The following SIAH1 variants were observed in gnomAD, a reference collection of about 807,000 sequenced individuals.
SIAH1 encodes the protein siah E3 ubiquitin protein ligase 1.
In SIAH1, 2 loss-of-function variants were observed where a neutral mutation model predicts 20.0. The observed-to-expected ratio is 0.10, with a 90% CI of 0.04 to 0.31. SIAH1 has a LOEUF of 0.31. Ranked by LOEUF, SIAH1 falls within the 10% of genes least tolerant of loss-of-function variation. SIAH1 has a pLI of 1.00. For missense variants in SIAH1, 119 were observed against 355.3 expected (o/e 0.33, Z 5.35); for synonymous variants, 118 against 125.3 (o/e 0.94, Z 0.39).
intron 1 of SIAH1, among the ~76,000 whole-genome samples, chr16:48,373,398 AAT>A (rs140245709): frequency 6.6e-6 from 1 of 152,292 alleles, no homozygotes; most frequent in East Asian, 1.9e-4. Flanking sequence ...TTTTTCAATT[AAT>A]AGAGACTCCA....
At chr16:48,377,550 A>C (rs1451246731) in intron 1 of SIAH1, among the ~76,000 whole-genome samples, 2 of 152,062 alleles carry the variant, frequency 1.3e-5, no homozygotes, top group East Asian at 1.9e-4. Flanking sequence ...CACCATGCCC[A>C]GCTAATTTTT....
chr16:48,365,266 G>A, intron 1 of SIAH1: 1 of 988,724 alleles, frequency 1.0e-6, no homozygotes, highest in Non-Finnish European at 1.5e-6. Flanking sequence ...AATGAAACAT[G>A]ACTGAGAACC....
intron 1 of SIAH1, among the ~76,000 whole-genome samples, chr16:48,367,644 T>C (rs57031394): frequency 0.013 from 1,925 of 152,310 alleles, 40 homozygotes; most frequent in African/African-American, 0.044. Flanking sequence ...AGTCACAGAC[T>C]CAGAATTTGT....
chr16:48,384,583 C>G (rs556597472), intron 1 of SIAH1, among the ~76,000 whole-genome samples: 1 of 152,262 alleles, frequency 6.6e-6, no homozygotes, highest in Non-Finnish European at 1.5e-5. Context: ...ATTCTTCCCA[C>G]TGCACAATGA....
intron 1 of SIAH1, chr16:48,365,265 T>C: frequency 2.0e-6 from 2 of 984,272 alleles, no homozygotes; most frequent in South Asian, 1.6e-5. Context: ...AAATGAAACA[T>C]GACTGAGAAC....
intron 1 of SIAH1, among the ~76,000 whole-genome samples, chr16:48,377,842 C>G (rs1312854536): frequency 6.6e-6 from 1 of 152,026 alleles, no homozygotes. Flanking sequence ...ATCTGGGAGG[C>G]CGAGGCGGCA....
At position 48,382,728 on chromosome 16, in the gene SIAH1, G is replaced by A. The variant is rs73550078; in HGVS notation, c.-3+2476C>T. Among the ~76,000 whole-genome samples, 1,260 of 152,150 alleles carry A rather than the reference G, an allele frequency of 8.3e-3. 16 individuals carry two copies. The highest frequency in any genetic ancestry group is 0.028 in the African/African-American group (1,154 of 41,484). Reference sequence around the variant, plus strand: ...TCTAGATTTTAACATTTCACAAAGCGAATATGGAAATTCCACAAAATTCTG... The same window carrying A: ...TCTAGATTTTAACATTTCACAAAGCAAATATGGAAATTCCACAAAATTCTG... On this transcript the variant is annotated intron_variant, in intron 1 of 1. Transcript: ENST00000394725.
chr16:48,372,185 C>T (rs1434889493), intron 1 of SIAH1, among the ~76,000 whole-genome samples: 1 of 152,056 alleles, frequency 6.6e-6, no homozygotes, highest in Non-Finnish European at 1.5e-5. Flanking sequence ...TGGCTCTTTA[C>T]TAGTAAAATA....
chr16:48,374,523 G>A (rs889735312), intron 1 of SIAH1, among the ~76,000 whole-genome samples: 3 of 152,056 alleles, frequency 2.0e-5, no homozygotes, highest in African/African-American at 4.8e-5. Flanking sequence ...CAAATACAAG[G>A]GAAATAACCA....
In SIAH1 at chr16:48,365,811, T is replaced by G. The variant is rs1253269298; in HGVS notation, c.-2-3381A>C. ...TGGGTAGGGTCCTGCCCAGCTCCAG[T>G]GGAGGCCACGGATGCAGGGGGCGAC... On this transcript the variant is annotated intron_variant, in intron 1 of 1. Coordinates refer to ENST00000394725, the MANE Select transcript of SIAH1 (RefSeq NM_003031.4). 2.4e-6 allele frequency: 3 copies of G among 1,258,468 alleles called. No individual in the cohort carries two copies. The African/African-American group carries it at 4.6e-5, about 19-fold the overall frequency. The allele number at this position is 1,258,468 out of a possible 1,614,324, so 78.0% of individuals were successfully genotyped here. A position where few individuals can be genotyped will look rare whatever the true frequency, so the allele number is the denominator to read the frequency against.
chr16:48,377,189 T>C (rs1485845065), intron 1 of SIAH1, among the ~76,000 whole-genome samples: 4 of 152,160 alleles, frequency 2.6e-5, no homozygotes, highest in African/African-American at 9.7e-5. Flanking sequence ...CAAAGGTTTT[T>C]CTCTTTCTAG....
At chr16:48,381,438 AC>A (rs1961290056) in intron 1 of SIAH1, among the ~76,000 whole-genome samples, 1 of 152,244 alleles carries the variant, frequency 6.6e-6, no homozygotes, top group African/African-American at 2.4e-5. Context: ...TCATGGCCAC[AC>A]AAAAACCTGC....
At chr16:48,365,294 C>G in intron 1 of SIAH1, 1 of 1,324,174 alleles carries the variant, frequency 7.6e-7, no homozygotes, top group African/African-American at 1.4e-5. Context: ...CGTCTCGATT[C>G]TGCTGCAGCC....
chr16:48,368,427 G>A (rs1021064164), intron 1 of SIAH1, among the ~76,000 whole-genome samples: 8 of 152,234 alleles, frequency 5.3e-5, no homozygotes, highest in Admixed American at 1.3e-4. Flanking sequence ...TGGGCGTGGT[G>A]GCTCACGCCT....
chr16:48,363,563 TAATG>T (rs2151045513), intron 1 of SIAH1: 1 of 166,970 alleles, frequency 6.0e-6, no homozygotes, highest in South Asian at 2.1e-4. Context: ...GTGTCAGACA[TAATG>T]AACAAAGGAG....
rs1020233780 is a variant in SIAH1, at chr16:48,365,531, T to C, written c.-2-3101A>G. 4 of 1,584,006 alleles carry C rather than the reference T, an allele frequency of 2.5e-6. No individual in the cohort carries two copies. In the African/African-American group the frequency reaches 4.0e-5, roughly 16 times the overall value. ...CCCAAGAAGTAAAGGAACAGGCCCCTCCTGGGCTCTTTCTGCTCCTAAGCA... is the reference window on the plus strand; with the variant it reads ...CCCAAGAAGTAAAGGAACAGGCCCCCCCTGGGCTCTTTCTGCTCCTAAGCA... On this transcript the variant is annotated intron_variant, in intron 1 of 1. Coordinates refer to ENST00000394725, the MANE Select transcript of SIAH1 (RefSeq NM_003031.4).
At chr16:48,375,870 T>A (rs1301751937) in intron 1 of SIAH1, among the ~76,000 whole-genome samples, 1 of 152,064 alleles carries the variant, frequency 6.6e-6, no homozygotes, top group African/African-American at 2.4e-5. Flanking sequence ...AGATGCAGGA[T>A]CAGACAAAGG....
chr16:48,363,529 T>TG (rs1567367982), intron 1 of SIAH1: 1 of 167,072 alleles, frequency 6.0e-6, no homozygotes, highest in Non-Finnish European at 1.5e-5. Context: ...TATATCTTTC[T>TG]GTTCTACTTT....
intron 1 of SIAH1, among the ~76,000 whole-genome samples, chr16:48,376,465 CATTTT>C (rs1463761470): frequency 1.3e-5 from 2 of 152,026 alleles, no homozygotes; most frequent in East Asian, 1.9e-4. Context: ...ATTTTGTAGA[CATTTT>C]ATTTTATACT....
Sources: gnomAD v4.1 joint callset for allele counts (sites outside exome capture counted in the v4.1 genomes callset) on GRCh38, gnomAD v4.1.1 for gene constraint, MANE v1.5 for transcripts, NCBI Gene and HGNC (gene_info 2026-07-23, HGNC 2026-07-21) for gene names.